Variants in ROCK1 observed in about 807,000 individuals in gnomAD.
ROCK1 encodes Rho associated coiled-coil containing protein kinase 1.
ROCK1 carries 36 observed loss-of-function variants against 196.8 expected under a neutral mutation model. The ratio of observed to expected loss-of-function variants is 0.18; its 90% CI spans 0.14 to 0.24. The LOEUF is 0.24. Ranked by LOEUF, ROCK1 falls within the 10% of genes least tolerant of loss-of-function variation. The pLI, the probability that ROCK1 is intolerant of heterozygous loss-of-function variation, is 1.00. For missense variants in ROCK1, 920 were observed against 1,562.0 expected (o/e 0.59, Z 6.93); for synonymous variants, 443 against 515.9 (o/e 0.86, Z 1.91).
At chr18:21,093,157 T>C (rs1181480903) in intron 1 of ROCK1, among the ~76,000 whole-genome samples, 1 of 152,212 alleles carries the variant, frequency 6.6e-6, no homozygotes, top group Non-Finnish European at 1.5e-5. Context: ...AGATTCTATT[T>C]GAAGGTAAGA....
intron 1 of ROCK1, among the ~76,000 whole-genome samples, chr18:21,109,059 A>G (rs2143612929): frequency 6.6e-6 from 1 of 152,280 alleles, no homozygotes; most frequent in South Asian, 2.1e-4. Flanking sequence ...CTATCCATCC[A>G]TTATAAAACA....
intron 17 of ROCK1, 54 bp from the exon 18 acceptor site, chr18:20,991,380 T>A: frequency 3.5e-6 from 4 of 1,158,904 alleles, no homozygotes; most frequent in Non-Finnish European, 4.8e-6. Flanking sequence ...GCATGCATGT[T>A]AGTAAATCTT....
intron 27 of ROCK1, among the ~76,000 whole-genome samples, chr18:20,966,527 T>C (rs1056141941): frequency 3.9e-5 from 6 of 152,218 alleles, no homozygotes; most frequent in African/African-American, 1.4e-4. Context: ...AAAGTACAGT[T>C]CTTAGTTTTA....
rs145641794 is a variant in ROCK1, at chr18:21,029,915, A to G, written c.1052-980T>C. On this transcript the variant is annotated intron_variant, in intron 9 of 32. Transcript: ENST00000399799. ...ATACTAAAAAATTATTTTAGGTACAATAACCTCATGTTCTTTTAGGGAAAA... is the reference window on the plus strand; with the variant it reads ...ATACTAAAAAATTATTTTAGGTACAGTAACCTCATGTTCTTTTAGGGAAAA... 1.3e-4 allele frequency among the ~76,000 whole-genome samples: 20 copies of G among 152,278 alleles called. No homozygotes were observed. In the East Asian group the frequency reaches 3.3e-3, roughly 25 times the overall value.
intron 16 of ROCK1, among the ~76,000 whole-genome samples, chr18:20,999,854 G>A (rs1202078352): frequency 6.6e-6 from 1 of 152,148 alleles, no homozygotes; most frequent in Non-Finnish European, 1.5e-5. Context: ...TCAAACTCCT[G>A]TGCTCAAGTG....
Position 21,049,177 on chromosome 18 carries a change from A to G in ROCK1, c.329T>C (p.Phe110Ser), listed in dbSNP as rs888979516. Reference sequence around the variant, plus strand: ...AGAATCAGATCTCTTTATCATTTCAAATTTGCTGAGAAGCTTCATAGCATA... The same window carrying G: ...AGAATCAGATCTCTTTATCATTTCAGATTTGCTGAGAAGCTTCATAGCATA... ...KVYAMKLLSK[F>S]EMIKRSDSAF... The change falls in exon 4 of 33, where the codon TTT (phenylalanine) becomes TCT (serine). Residue 110 changes from phenylalanine to serine, a missense_variant. Physicochemically the swap from Phe to Ser is radical, Grantham distance 155. This residue lies in a region of ROCK1 where 234 missense variants were observed against 460.7 expected (regional missense o/e 0.51). Transcript: ENST00000399799. 3 of 1,612,122 alleles carry G rather than the reference A, an allele frequency of 1.9e-6. No individual in the cohort carries two copies. The highest frequency in any genetic ancestry group is 1.7e-5 in the Admixed American group (1 of 59,894).
At chr18:21,005,524 A>G (rs766078850) in intron 16 of ROCK1, among the ~76,000 whole-genome samples, 9 of 152,216 alleles carry the variant, frequency 5.9e-5, no homozygotes, top group Non-Finnish European at 1.2e-4. Context: ...ACCCTGCAGG[A>G]GTACCTGTGA....
chr18:20,988,348 G>A (rs1459877194), intron 18 of ROCK1, among the ~76,000 whole-genome samples: 1 of 152,048 alleles, frequency 6.6e-6, no homozygotes, highest in Non-Finnish European at 1.5e-5. Flanking sequence ...CATTACAGGT[G>A]TGGGTCCCCG....
intron 16 of ROCK1, 141 bp downstream of exon 16, chr18:21,006,210 G>GT (rs2035767274): frequency 5.9e-6 from 4 of 672,884 alleles, no homozygotes; most frequent in Non-Finnish European, 9.9e-6. Context: ...GACAAACACT[G>GT]TATGATTCCA....
chr18:21,005,621 A>G lies in ROCK1; in HGVS notation c.1885+730T>C, dbSNP rs370130808. 1.8e-3 allele frequency among the ~76,000 whole-genome samples: 267 copies of G among 152,310 alleles called. 1 individual carries two copies. The Middle Eastern group carries it at 0.037, about 21-fold the overall frequency. Reference sequence around the variant, plus strand: ...GCCTGGTGTGGTGTCTCACACCCATAATGCCAGCACTTTGGGAGGTCGAGG... The same window carrying G: ...GCCTGGTGTGGTGTCTCACACCCATGATGCCAGCACTTTGGGAGGTCGAGG... On this transcript the variant is annotated intron_variant, in intron 16 of 32. Transcript: ENST00000399799.
chr18:21,042,218 C>T lies in ROCK1; in HGVS notation c.838G>A (p.Ala280Thr). The T allele has an allele frequency of 6.4e-7, 1 of 1,573,922 alleles. No homozygotes were observed. The highest frequency in any genetic ancestry group is 1.2e-5 in the South Asian group (1 of 84,102). ...EMLVGDTPFY[A>T]DSLVGTYSKI... is the part of the protein sequence containing the mutation. ...CTGTAAGTTCCAACCAAAGAATCTG[C>T]ATAAAAAGGTGTATCACCTGAAAAA... Residue 280 changes from alanine (A) to threonine (T), a missense_variant, in exon 8 of 33, where the codon GCA becomes ACA. This residue lies in a region of ROCK1 where 234 missense variants were observed against 460.7 expected (regional missense o/e 0.51). Transcript: ENST00000399799.
In ROCK1 at chr18:21,091,799, G is replaced by A. The variant is rs189123798; in HGVS notation, c.93+19019C>T. On this transcript the variant is annotated intron_variant, in intron 1 of 32. Transcript: ENST00000399799. ...CAGGCTGGCCTACGTGGTGAAACCC[G>A]TCTCTACTACAAACACAAAAATTAG... 9.2e-5 allele frequency among the ~76,000 whole-genome samples: 14 copies of A among 151,924 alleles called. No homozygotes were observed. The East Asian group carries it at 2.5e-3, about 27-fold the overall frequency.
rs376920401 is a variant in ROCK1 at position 21,028,826 on chromosome 18, G to A, written c.1161C>T (p.Phe387=). The part of the protein sequence containing the change: ...EEETFPIPKA[F]VGNQLPFVGF... The stretch of plus-strand genomic sequence containing the variant: ...CTACAAAAGGTAGTTGATTGCCAAC[G>A]AAAGCTTTAGGAATAGGGAATGTTT... Residue 387 remains phenylalanine (F), a synonymous_variant, in exon 10 of 33, where the codon TTC becomes TTT. Transcript: ENST00000399799. The A allele has an allele frequency of 2.4e-5, 38 of 1,612,374 alleles. No homozygotes were observed. In the African/African-American group the frequency reaches 3.6e-4, roughly 15 times the overall value.
chr18:21,096,382 G>A (rs2036613379), intron 1 of ROCK1, among the ~76,000 whole-genome samples: 5 of 151,886 alleles, frequency 3.3e-5, no homozygotes, highest in Admixed American at 3.3e-4. Flanking sequence ...TGTATTTTTA[G>A]TAGAGACAGG....
At chr18:21,019,351 C>T (rs766094083) in intron 12 of ROCK1, among the ~76,000 whole-genome samples, 8 of 152,102 alleles carry the variant, frequency 5.3e-5, no homozygotes, top group African/African-American at 9.7e-5. Flanking sequence ...GATGCGGTTT[C>T]GCCATGTTGG....
intron 1 of ROCK1, among the ~76,000 whole-genome samples, chr18:21,096,711 T>C (rs974164079): frequency 2.6e-5 from 4 of 152,038 alleles, no homozygotes; most frequent in Admixed American, 6.6e-5. Flanking sequence ...AAGATAGCCC[T>C]ATACCAGATA....
intron 19 of ROCK1, among the ~76,000 whole-genome samples, chr18:20,986,306 G>A (rs1423162108): frequency 2.0e-5 from 3 of 152,022 alleles, no homozygotes; most frequent in Non-Finnish European, 4.4e-5. Flanking sequence ...TTATCCAGCC[G>A]GTACTCACTT....
At chr18:21,057,787 C>T (rs1192004144) in intron 2 of ROCK1, among the ~76,000 whole-genome samples, 1 of 151,984 alleles carries the variant, frequency 6.6e-6, no homozygotes, top group African/African-American at 2.4e-5. Flanking sequence ...GGCCACTGCA[C>T]TCCAGCCTGG....
chr18:20,951,852 T>C (rs1199194900), intron 32 of ROCK1, among the ~76,000 whole-genome samples: 1 of 152,224 alleles, frequency 6.6e-6, no homozygotes, highest in Non-Finnish European at 1.5e-5. Context: ...AAATCAGTGT[T>C]AGGTCTCAGC....
Sources: allele counts gnomAD v4.1 joint callset (sites outside exome capture counted in the v4.1 genomes callset), GRCh38; gene constraint gnomAD v4.1.1; regional missense constraint gnomAD v4.1.1; transcripts MANE v1.5; gene names NCBI Gene and HGNC (gene_info 2026-07-23, HGNC 2026-07-21).